MAML2: variants seen among roughly 807,000 people sequenced by gnomAD.
The protein encoded by MAML2 is mastermind like transcriptional coactivator 2, also known as mastermind-like protein 2.
Under a neutral mutation model 96.1 loss-of-function variants are expected in MAML2, and 22 were observed. The observed-to-expected ratio is 0.23, with a 90% CI of 0.16 to 0.33. MAML2 has a LOEUF of 0.33. Among genes scored for constraint, MAML2 ranks in the 10% least tolerant of loss-of-function variants. The pLI, the probability that MAML2 is intolerant of heterozygous loss-of-function variation, is 1.00. For missense variants in MAML2, 1,367 were observed against 1,392.4 expected, an observed-to-expected ratio of 0.98 and a Z score of 0.29; for synonymous variants, 561 against 521.3, an observed-to-expected ratio of 1.08 and a Z score of -1.04.
intron 1 of MAML2, among the ~76,000 whole-genome samples, chr11:96,200,465 A>G (rs1393784156): frequency 6.6e-6 from 1 of 152,182 alleles, no homozygotes; most frequent in African/African-American, 2.4e-5. Flanking sequence ...AATGAATGGA[A>G]TCTCTCCTGG....
intron 1 of MAML2, among the ~76,000 whole-genome samples, chr11:96,117,604 G>A (rs944365492): frequency 6.6e-6 from 1 of 152,102 alleles, no homozygotes; most frequent in Non-Finnish European, 1.5e-5. Context: ...CCAGCACAAA[G>A]CTCTTGTGCT....
chr11:95,991,848 G>T (rs1311762763), intron 2 of MAML2, 125 bp from the exon 3 acceptor site: 2 of 719,502 alleles, frequency 2.8e-6, no homozygotes, highest in Non-Finnish European at 4.7e-6. Context: ...TGGTTAAATG[G>T]GTTGGAGATC....
intron 1 of MAML2, among the ~76,000 whole-genome samples, chr11:96,315,057 T>C (rs192859152): frequency 2.0e-5 from 3 of 152,364 alleles, no homozygotes; most frequent in Admixed American, 2.0e-4. Context: ...AGATAGATAG[T>C]ATGAGTTTCC....
intron 1 of MAML2, among the ~76,000 whole-genome samples, chr11:96,261,625 T>C (rs1255510094): frequency 6.6e-6 from 1 of 152,214 alleles, no homozygotes; most frequent in African/African-American, 2.4e-5. Context: ...TGGAGACTTA[T>C]AGAGACTTTT....
At chr11:96,228,034 T>G (rs1862239859) in intron 1 of MAML2, among the ~76,000 whole-genome samples, 1 of 152,160 alleles carries the variant, frequency 6.6e-6, no homozygotes, top group Non-Finnish European at 1.5e-5. Context: ...CCTGGGAGGC[T>G]GAGCCTGGAG....
intron 1 of MAML2, among the ~76,000 whole-genome samples, chr11:96,099,792 T>A (rs907004964): frequency 6.6e-6 from 1 of 151,946 alleles, no homozygotes; most frequent in Non-Finnish European, 1.5e-5. Context: ...TGTTTTTACT[T>A]TTTTAAAGAC....
At chr11:96,076,511 C>T (rs1191543004) in intron 2 of MAML2, among the ~76,000 whole-genome samples, 1 of 151,808 alleles carries the variant, frequency 6.6e-6, no homozygotes, top group East Asian at 1.9e-4. Context: ...CTCACAGCAA[C>T]TTCCTCCACT....
intron 1 of MAML2, among the ~76,000 whole-genome samples, chr11:96,274,844 T>C (rs1361223006): frequency 1.3e-5 from 2 of 152,186 alleles, no homozygotes; most frequent in African/African-American, 4.8e-5. Context: ...AAATATCACC[T>C]GAATCTAATA....
At chr11:96,215,585 G>A (rs1302358128) in intron 1 of MAML2, among the ~76,000 whole-genome samples, 1 of 152,140 alleles carries the variant, frequency 6.6e-6, no homozygotes, top group Non-Finnish European at 1.5e-5. Flanking sequence ...CTTGTTCAGT[G>A]TGGTGTAGAA....
At chr11:96,224,619 T>A (rs1164420252) in intron 1 of MAML2, among the ~76,000 whole-genome samples, 3 of 152,210 alleles carry the variant, frequency 2.0e-5, no homozygotes, top group Non-Finnish European at 2.9e-5. Context: ...GAGCTTCATA[T>A]CATATTAAGT....
At chr11:95,991,350 G>GT (rs5793764) in intron 3 of MAML2, among the ~76,000 whole-genome samples, 170 bp downstream of exon 3, 35,919 of 151,610 alleles carry the variant, frequency 0.24, 5,167 homozygotes, top group Middle Eastern at 0.35. Flanking sequence ...TCAAGTTTGG[G>GT]TTTTTTTTTC....
At chr11:96,057,768 A>T (rs950667406) in intron 2 of MAML2, among the ~76,000 whole-genome samples, 4 of 152,224 alleles carry the variant, frequency 2.6e-5, no homozygotes, top group Non-Finnish European at 4.4e-5. Flanking sequence ...TCTTCCTTAA[A>T]GTGCATTTCA....
intron 1 of MAML2, among the ~76,000 whole-genome samples, chr11:96,140,668 C>T (rs925736753): frequency 6.6e-6 from 1 of 152,196 alleles, no homozygotes; most frequent in African/African-American, 2.4e-5. Flanking sequence ...CTCTCTCCAT[C>T]GTTCAGTAGT....
intron 1 of MAML2, among the ~76,000 whole-genome samples, chr11:96,327,233 A>G (rs897436352): frequency 2.6e-5 from 4 of 152,164 alleles, no homozygotes; most frequent in Non-Finnish European, 4.4e-5. Flanking sequence ...ATGGGGAAAT[A>G]AAGAAGCAAA....
At chr11:96,034,432 T>TGTGAGAGAGAGA (rs549312275) in intron 2 of MAML2, among the ~76,000 whole-genome samples, 1 of 135,748 alleles carries the variant, frequency 7.4e-6, no homozygotes, top group South Asian at 2.4e-4. Flanking sequence ...TGTGTGTGTG[T>TGTGAGAGAGAGA]GAGAGAGAGA....
chr11:96,178,412 C>G (rs1215806587), intron 1 of MAML2, among the ~76,000 whole-genome samples: 1 of 152,080 alleles, frequency 6.6e-6, no homozygotes, highest in African/African-American at 2.4e-5. Context: ...GAGGCAGAGC[C>G]AGGGGTGGAA....
In MAML2 at chr11:96,043,834, C is replaced by T. The variant is rs1374694120; in HGVS notation, c.2139+48058G>A. ...AAAGGATTAGAAAAACACACAGTAA[C>T]TATCCTACTAAGAAGAAAATAAGAA... On this transcript the variant is annotated intron_variant, in intron 2 of 4. Transcript: ENST00000524717. Among the ~76,000 whole-genome samples, 65 of 152,210 alleles carry T rather than the reference C, an allele frequency of 4.3e-4. 1 individual carries two copies. The highest frequency in any genetic ancestry group is 4.3e-3 in the Admixed American group (65 of 15,286).
intron 1 of MAML2, among the ~76,000 whole-genome samples, chr11:96,106,544 G>C (rs1860023617): frequency 6.6e-6 from 1 of 152,066 alleles, no homozygotes; most frequent in Admixed American, 6.6e-5. Context: ...ATTCTGAATG[G>C]GCATGAGATA....
chr11:96,019,613 T>C (rs1283074486), intron 2 of MAML2, among the ~76,000 whole-genome samples: 1 of 151,268 alleles, frequency 6.6e-6, no homozygotes, highest in Admixed American at 6.6e-5. Flanking sequence ...AACCTAACTT[T>C]CTGAGTCCTG....
Sources: gnomAD v4.1 joint callset for allele counts (sites outside exome capture counted in the v4.1 genomes callset) on GRCh38, gnomAD v4.1.1 for gene constraint, MANE v1.5 for transcripts, NCBI Gene and HGNC (gene_info 2026-07-23, HGNC 2026-07-21) for gene names.